Variants in RBFOX1 observed in about 807,000 individuals in gnomAD.
RBFOX1 encodes RNA binding protein fox-1 homolog 1.
Under a neutral mutation model 57.7 loss-of-function variants are expected in RBFOX1, and 8 were observed. The ratio of observed to expected loss-of-function variants is 0.14; its 90% CI spans 0.08 to 0.25. The LOEUF (loss-of-function observed/expected upper bound fraction) is 0.25, where lower values mean the gene tolerates loss of function less well. Ranked by LOEUF, RBFOX1 falls within the 10% of genes least tolerant of loss-of-function variation. RBFOX1 has a pLI of 1.00. For missense variants in RBFOX1, 611 were observed against 548.5 expected (o/e 1.11, Z -1.14); for synonymous variants, 326 against 222.4 (o/e 1.47, Z -4.15).
chr16:6,141,145 C>T (rs760886377), intron 1 of RBFOX1, among the ~76,000 whole-genome samples: 1 of 152,182 alleles, frequency 6.6e-6, no homozygotes. Context: ...CTTGACCCTC[C>T]TTTGTCTTTT....
chr16:6,811,201 C>A (rs1008978184), intron 3 of RBFOX1, among the ~76,000 whole-genome samples: 3 of 152,090 alleles, frequency 2.0e-5, no homozygotes, highest in Non-Finnish European at 2.9e-5. Flanking sequence ...ATTGAAGAGA[C>A]CTGCCTTTGC....
At chr16:6,894,799 A>G (rs2066360612) in intron 3 of RBFOX1, among the ~76,000 whole-genome samples, 1 of 152,138 alleles carries the variant, frequency 6.6e-6, no homozygotes, top group Non-Finnish European at 1.5e-5. Flanking sequence ...TGTGTTTGTA[A>G]TTGTATTTTA....
intron 3 of RBFOX1, among the ~76,000 whole-genome samples, chr16:6,930,003 A>T (rs925507774): frequency 3.9e-5 from 6 of 152,192 alleles, no homozygotes; most frequent in African/African-American, 1.4e-4. Context: ...TAGGAAAAAC[A>T]GAGCGAGATC....
At chr16:6,598,035 T>C (rs980662095) in intron 2 of RBFOX1, among the ~76,000 whole-genome samples, 5 of 152,202 alleles carry the variant, frequency 3.3e-5, no homozygotes, top group East Asian at 3.9e-4. Context: ...CAAAATGATA[T>C]CTTTATGGTT....
Position 7,515,719 on chromosome 16 carries a change from A to G in RBFOX1, c.28-2428A>G, listed in dbSNP as rs553130997. The stretch of plus-strand genomic sequence containing the variant: ...CTGACTGCGGGTAAAGCTGGATTCA[A>G]CACTTCAAATGACGTCACTGGGACT... On this transcript the variant is annotated intron_variant, in intron 4 of 15. Transcript: ENST00000550418. Among the ~76,000 whole-genome samples, 206 of 152,346 alleles carry G rather than the reference A, an allele frequency of 1.4e-3. 1 individual carries two copies. The highest frequency in any genetic ancestry group is 4.6e-3 in the African/African-American group (190 of 41,586).
chr16:6,221,774 C>G (rs5008167), intron 1 of RBFOX1, among the ~76,000 whole-genome samples: 142,681 of 152,198 alleles, frequency 0.94, 67,542 homozygotes, highest in East Asian at 1. Context: ...GAACTCCCAT[C>G]TATAAAAACC....
intron 3 of RBFOX1, among the ~76,000 whole-genome samples, chr16:6,765,242 A>T (rs1265591586): frequency 6.6e-6 from 1 of 152,188 alleles, no homozygotes; most frequent in Non-Finnish European, 1.5e-5. Context: ...CAGAACACAC[A>T]GGCTCCTGCA....
chr16:6,673,872 A>C (rs2098783873), intron 3 of RBFOX1, among the ~76,000 whole-genome samples: 1 of 152,208 alleles, frequency 6.6e-6, no homozygotes, highest in Non-Finnish European at 1.5e-5. Context: ...TATTAAGAGA[A>C]GAAGCAAACA....
At chr16:7,070,857 A>C (rs1389631991) in intron 4 of RBFOX1, among the ~76,000 whole-genome samples, 2 of 152,182 alleles carry the variant, frequency 1.3e-5, no homozygotes, top group Non-Finnish European at 2.9e-5. Flanking sequence ...CAAATTGACC[A>C]AGGGTGACAA....
chr16:6,232,891 C>G (rs762365906), intron 1 of RBFOX1, among the ~76,000 whole-genome samples: 1 of 152,084 alleles, frequency 6.6e-6, no homozygotes, highest in Non-Finnish European at 1.5e-5. Context: ...ATCCACATGT[C>G]CAGTCTCTTC....
At chr16:6,202,709 T>C (rs2097222731) in intron 1 of RBFOX1, among the ~76,000 whole-genome samples, 1 of 152,160 alleles carries the variant, frequency 6.6e-6, no homozygotes, top group Admixed American at 6.5e-5. Context: ...TAATCAATGC[T>C]GTATATTTGT....
At chr16:7,048,779 C>T (rs867699281) in intron 3 of RBFOX1, among the ~76,000 whole-genome samples, 1 of 152,126 alleles carries the variant, frequency 6.6e-6, no homozygotes, top group Non-Finnish European at 1.5e-5. Flanking sequence ...TATGCTAAGT[C>T]ATTTTGGTTT....
chr16:6,360,948 T>TTTTTATTTTA (rs71145217), intron 2 of RBFOX1, among the ~76,000 whole-genome samples: 14,517 of 150,290 alleles, frequency 0.097, 821 homozygotes, highest in Middle Eastern at 0.17. Context: ...TTTCACATCT[T>TTTTTATTTTA]TTTTATTTTA....
intron 1 of RBFOX1, among the ~76,000 whole-genome samples, chr16:5,299,076 T>C (rs2063743780): frequency 6.7e-6 from 1 of 149,670 alleles, no homozygotes; most frequent in Non-Finnish European, 1.5e-5. Flanking sequence ...TCATAGCCCT[T>C]TCACACAACC....
chr16:7,087,045 G>A (rs1019911160), intron 4 of RBFOX1, among the ~76,000 whole-genome samples: 1 of 152,134 alleles, frequency 6.6e-6, no homozygotes, highest in African/African-American at 2.4e-5. Flanking sequence ...CCGTGGCGTC[G>A]GTAGATGGCT....
At chr16:7,282,272 C>T (rs916959994) in intron 4 of RBFOX1, among the ~76,000 whole-genome samples, 1 of 152,190 alleles carries the variant, frequency 6.6e-6, no homozygotes. Context: ...AAGTAAATGG[C>T]ATTTGCAAAG....
intron 2 of RBFOX1, among the ~76,000 whole-genome samples, chr16:5,531,705 G>A (rs559278173): frequency 1.2e-4 from 18 of 152,234 alleles, no homozygotes; most frequent in African/African-American, 3.6e-4. Context: ...GCAGTGCCTG[G>A]CACATAGCAA....
chr16:5,844,343 T>A (rs1453420867), intron 3 of RBFOX1, among the ~76,000 whole-genome samples: 5 of 152,220 alleles, frequency 3.3e-5, no homozygotes, highest in Non-Finnish European at 7.3e-5. Flanking sequence ...TGTGGCTGAT[T>A]ATATATGCTG....
intron 1 of RBFOX1, among the ~76,000 whole-genome samples, chr16:5,259,366 G>A (rs2062671638): frequency 6.6e-6 from 1 of 152,174 alleles, no homozygotes; most frequent in Non-Finnish European, 1.5e-5. Flanking sequence ...CTGATCTCAT[G>A]CAGCCAGCCT....
Sources: gnomAD v4.1 joint callset for allele counts (sites outside exome capture counted in the v4.1 genomes callset) on GRCh38, gnomAD v4.1.1 for gene constraint, MANE v1.5 for transcripts, NCBI Gene and HGNC (gene_info 2026-07-23, HGNC 2026-07-21) for gene names.